The following XCR1 variants were observed in gnomAD, a reference collection of about 807,000 sequenced individuals.
XCR1 encodes the protein chemokine XC receptor 1.
For synonymous variants in XCR1, 187 were observed against 188.5 expected, an observed-to-expected ratio of 0.99 and a Z score of 0.06; for missense variants, 356 against 424.2, an observed-to-expected ratio of 0.84 and a Z score of 1.41.
intron 4 of XCR1, among the ~76,000 whole-genome samples, chr3:46,057,165 G>A (rs1442617095): frequency 6.6e-6 from 1 of 152,308 alleles, no homozygotes; most frequent in East Asian, 1.9e-4. Flanking sequence ...GTCCTGCTAT[G>A]TTTTCTAGGC....
At position 46,023,004 on chromosome 3, in the gene XCR1, G is replaced by A. The variant is rs144061707; in HGVS notation, c.-31-1026C>T. ...GAGATAGAAAGTCTCAGCAGAGAAA[G>A]AAAAGTTATATAAAAGACCCAAAAG... is the stretch of plus-strand genomic sequence containing the variant. On this transcript the variant is annotated intron_variant, in intron 1 of 1. Transcript: ENST00000309285. Among the ~76,000 whole-genome samples the A allele has an allele frequency of 1.2e-3, 184 of 152,302 alleles. 2 individuals are homozygous for A. The highest frequency in any genetic ancestry group is 6.8e-3 in the Middle Eastern group (2 of 294).
upstream of XCR1, among the ~76,000 whole-genome samples, chr3:46,029,669 C>T (rs1353042663): frequency 6.6e-6 from 1 of 152,160 alleles, no homozygotes; most frequent in Non-Finnish European, 1.5e-5. Flanking sequence ...AAAAAACCTA[C>T]AACACTTTTG....
At position 46,019,544 on chromosome 3, in the gene XCR1, G is replaced by A. The variant is rs957103986; in HGVS notation, c.*1402C>T. 1 of 152,196 alleles carries A rather than the reference G, an allele frequency of 6.6e-6. No homozygotes were observed. The highest frequency in any genetic ancestry group is 1.5e-5 in the Non-Finnish European group (1 of 68,058). 9.4% of individuals were successfully genotyped at this position (152,196 alleles called of 1,614,324 possible). On this transcript the variant is annotated 3_prime_UTR_variant, in exon 2 of 2. Transcript: ENST00000309285. ...GCTTCCTGGAGAAGCTGGCCTGTCA[G>A]CTAGAACATGTTCCAGGCCCAGGTG...
chr3:46,054,894 G>T (rs1229271299), intron 4 of XCR1, among the ~76,000 whole-genome samples: 1 of 152,184 alleles, frequency 6.6e-6, no homozygotes, highest in Non-Finnish European at 1.5e-5. Flanking sequence ...CCACAGACAC[G>T]GATGATCAGT....
At chr3:46,024,213 GCA>G in intron 1 of XCR1, 4 of 207,890 alleles carry the variant, frequency 1.9e-5, no homozygotes, top group Non-Finnish European at 3.3e-5. Context: ...AGTTAATCCA[GCA>G]AAAAAAAAAA....
intron 5 of XCR1, among the ~76,000 whole-genome samples, chr3:46,047,671 G>A (rs1575423612): frequency 6.6e-6 from 1 of 152,284 alleles, no homozygotes; most frequent in Non-Finnish European, 1.5e-5. Context: ...CCTAGATAAT[G>A]CCACTGAGGA....
upstream of XCR1, among the ~76,000 whole-genome samples, chr3:46,031,560 G>A (rs923786039): frequency 1.3e-5 from 2 of 152,342 alleles, no homozygotes; most frequent in African/African-American, 4.8e-5. Flanking sequence ...GCAACCCTTG[G>A]CATGAACAGC....
chr3:46,038,019 G>GTTTGTTT (rs1553632488), intron 5 of XCR1, among the ~76,000 whole-genome samples: 7 of 130,156 alleles, frequency 5.4e-5, no homozygotes, highest in Admixed American at 7.3e-5. Context: ...GTGTGCACGG[G>GTTTGTTT]TTTGTTTTTT....
At chr3:46,069,086 T>C (rs1698122928) in intron 3 of XCR1, among the ~76,000 whole-genome samples, 1 of 152,126 alleles carries the variant, frequency 6.6e-6, no homozygotes, top group African/African-American at 2.4e-5. Flanking sequence ...ATATCAAACT[T>C]TGTGAGACAC....
chr3:46,047,903 G>A (rs1575423776), intron 5 of XCR1, among the ~76,000 whole-genome samples: 1 of 152,208 alleles, frequency 6.6e-6, no homozygotes. Context: ...AGGACAGGGG[G>A]TCCATGGACG....
intron 1 of XCR1, among the ~76,000 whole-genome samples, chr3:46,080,291 A>T (rs1340674495): frequency 1.3e-5 from 2 of 152,194 alleles, no homozygotes; most frequent in East Asian, 3.8e-4. Context: ...GCCAAATTAG[A>T]TACTCCAGAG....
At chr3:46,066,563 G>C (rs1442073071) in intron 4 of XCR1, among the ~76,000 whole-genome samples, 1 of 152,154 alleles carries the variant, frequency 6.6e-6, no homozygotes. Context: ...TTTCTTAGTG[G>C]GAAGTTGGTG....
chr3:46,067,694 G>A (rs1698101314), intron 3 of XCR1, among the ~76,000 whole-genome samples: 1 of 152,128 alleles, frequency 6.6e-6, no homozygotes, highest in African/African-American at 2.4e-5. Flanking sequence ...TAACTAACTT[G>A]GGGACCATAT....
intron 1 of XCR1, among the ~76,000 whole-genome samples, chr3:46,081,120 G>C (rs193077536): frequency 4.6e-5 from 7 of 152,306 alleles, no homozygotes; most frequent in Admixed American, 3.9e-4. Context: ...TTTCATCTGA[G>C]CTCCAGAACG....
intron 4 of XCR1, among the ~76,000 whole-genome samples, chr3:46,062,850 G>A (rs1697992166): frequency 6.6e-6 from 1 of 152,254 alleles, no homozygotes; most frequent in South Asian, 2.1e-4. Context: ...GGTGGCTCTA[G>A]TGGTGGAAGA....
intron 5 of XCR1, among the ~76,000 whole-genome samples, chr3:46,046,472 C>T (rs536141217): frequency 2.6e-4 from 39 of 152,334 alleles, no homozygotes; most frequent in Non-Finnish European, 5.1e-4. Context: ...TGAGAGCAGT[C>T]GTGAGTTTGC....
intron 1 of XCR1, among the ~76,000 whole-genome samples, chr3:46,078,138 C>T (rs9859291): frequency 0.092 from 14,014 of 152,258 alleles, 2,198 homozygotes; most frequent in African/African-American, 0.32. Context: ...GGATGCGGCA[C>T]TCCCCAAAGC....
intron 5 of XCR1, among the ~76,000 whole-genome samples, chr3:46,051,842 C>T (rs558515129): frequency 1.7e-4 from 26 of 152,138 alleles, no homozygotes; most frequent in African/African-American, 3.6e-4. Flanking sequence ...CTGGCTAATA[C>T]GGTGAAACTG....
chr3:46,052,121 C>G (rs1697758712), intron 5 of XCR1, among the ~76,000 whole-genome samples: 1 of 152,194 alleles, frequency 6.6e-6, no homozygotes, highest in Non-Finnish European at 1.5e-5. Context: ...GTTAAGGCGG[C>G]TTTTGCCTAA....
Sources: allele counts gnomAD v4.1 joint callset (sites outside exome capture counted in the v4.1 genomes callset), GRCh38; gene constraint gnomAD v4.1.1; transcripts MANE v1.5; gene names NCBI Gene and HGNC (gene_info 2026-07-23, HGNC 2026-07-21).